The following CYFIP2 variants were observed in gnomAD, a reference collection of about 807,000 sequenced individuals.
CYFIP2 encodes cytoplasmic FMR1 interacting protein 2.
A neutral mutation model predicts 158.7 loss-of-function variants in CYFIP2; 29 were observed. That is an observed-to-expected ratio of 0.18 (90% CI 0.14 to 0.25). The LOEUF is 0.25. Ranked by LOEUF, CYFIP2 falls within the 10% of genes least tolerant of loss-of-function variation. The probability of loss-of-function intolerance (pLI) is 1.00; values close to 1 mark genes in which losing one functional copy is unlikely to be tolerated. For missense variants in CYFIP2, 852 were observed against 1,639.5 expected, an observed-to-expected ratio of 0.52 and a Z score of 8.29; for synonymous variants, 585 against 617.6, an observed-to-expected ratio of 0.95 and a Z score of 0.78.
intron 19 of CYFIP2, among the ~76,000 whole-genome samples, chr5:157,330,276 GTGTGTGTGTT>G (rs1761350594): frequency 2.1e-5 from 3 of 139,724 alleles, no homozygotes; most frequent in East Asian, 2.2e-4. Context: ...GTGTGTGTGT[GTGTGTGTGTT>G]TGTGTTTAAA....
At chr5:157,270,894 C>G (rs1756036628) in intron 1 of CYFIP2, among the ~76,000 whole-genome samples, 1 of 152,130 alleles carries the variant, frequency 6.6e-6, no homozygotes. Context: ...GCAAGTAATT[C>G]CTGGTGTGTG....
chr5:157,383,413 A>G (rs1332715137), intron 28 of CYFIP2, 54 bp downstream of exon 28: 1 of 1,510,644 alleles, frequency 6.6e-7, no homozygotes, highest in Non-Finnish European at 9.1e-7. Context: ...ACTTGAGAGC[A>G]TTTGACCAAA....
chr5:157,357,311 T>TA (rs1449133692), intron 23 of CYFIP2, among the ~76,000 whole-genome samples: 11 of 152,248 alleles, frequency 7.2e-5, no homozygotes, highest in Non-Finnish European at 1.0e-4. Context: ...ATTCAAAACT[T>TA]AGACTGAACT....
chr5:157,297,558 C>T (rs1758356912), intron 5 of CYFIP2, among the ~76,000 whole-genome samples: 1 of 152,142 alleles, frequency 6.6e-6, no homozygotes, highest in Admixed American at 6.5e-5. Context: ...ATGGACCTGC[C>T]TTCGGGAGCC....
chr5:157,320,605 C>T (rs762998370), intron 14 of CYFIP2, 50 bp from the exon 15 acceptor site: 27 of 1,610,830 alleles, frequency 1.7e-5, no homozygotes, highest in Non-Finnish European at 2.2e-5. Context: ...CTTGTAGTGA[C>T]GTTTTCCCAT....
At chr5:157,318,710 C>T (rs950766488) in intron 13 of CYFIP2, among the ~76,000 whole-genome samples, 1 of 152,194 alleles carries the variant, frequency 6.6e-6, no homozygotes, top group African/African-American at 2.4e-5. Context: ...GGCAGTTGGG[C>T]GTGCACAGCA....
chr5:157,361,624 G>A lies in CYFIP2; in HGVS notation c.3039+26G>A, dbSNP rs1423194113. On this transcript the variant is annotated intron_variant, in intron 26 of 30. Transcript: ENST00000620254. The surrounding 1 kb of genome is among the most constrained non-coding windows in gnomAD (Gnocchi z 4.4). Reference sequence around the variant, plus strand: ...GTAAGTCCAGAGCCCAAAGGAAGTGGGGTGTCTCCAGGTTGGAGGGGATGC... The same window carrying A: ...GTAAGTCCAGAGCCCAAAGGAAGTGAGGTGTCTCCAGGTTGGAGGGGATGC... 2 of 1,613,352 alleles carry A rather than the reference G, an allele frequency of 1.2e-6. No individual in the cohort carries two copies. Among genetic ancestry groups the A allele is most frequent in the Non-Finnish European group, 1.7e-6 (2 of 1,179,670 alleles).
intron 1 of CYFIP2, among the ~76,000 whole-genome samples, chr5:157,269,157 AC>A (rs1181438220): frequency 6.6e-6 from 1 of 151,946 alleles, no homozygotes; most frequent in African/African-American, 2.4e-5. Context: ...TGACCAGTAA[AC>A]CCAGCCCCAA....
At chr5:157,278,220 G>T (rs1444908585) in intron 1 of CYFIP2, among the ~76,000 whole-genome samples, 1 of 151,904 alleles carries the variant, frequency 6.6e-6, no homozygotes, top group Non-Finnish European at 1.5e-5. Context: ...GTATATGTGT[G>T]TGCAGTATGT....
chr5:157,390,482 C>T (rs762317147), intron 29 of CYFIP2, 39 bp from the exon 30 acceptor site: 51 of 1,530,640 alleles, frequency 3.3e-5, no homozygotes, highest in South Asian at 1.9e-4. Context: ...CCTCCTCCCC[C>T]GACCTCTCAC....
intron 9 of CYFIP2, among the ~76,000 whole-genome samples, chr5:157,308,094 CGTTCCAA>C (rs528989921): frequency 2.3e-3 from 353 of 151,736 alleles, no homozygotes; most frequent in Middle Eastern, 7.0e-3. Flanking sequence ...AGCCACACAT[CGTTCCAA>C]GTTGCAGGAT....
chr5:157,372,407 G>T (rs1306926316), intron 26 of CYFIP2, among the ~76,000 whole-genome samples: 1 of 152,122 alleles, frequency 6.6e-6, no homozygotes, highest in African/African-American at 2.4e-5. Context: ...AGGTTATAAG[G>T]ATATTCATTA....
chr5:157,271,118 T>C (rs1418539698), intron 1 of CYFIP2, among the ~76,000 whole-genome samples: 2 of 152,192 alleles, frequency 1.3e-5, no homozygotes, highest in Admixed American at 6.5e-5. Context: ...TGTCTTCGTG[T>C]GGGCCATGAT....
intron 9 of CYFIP2, among the ~76,000 whole-genome samples, chr5:157,308,145 A>C (rs1274962053): frequency 6.8e-6 from 1 of 147,056 alleles, no homozygotes; most frequent in African/African-American, 2.5e-5. Flanking sequence ...AGGCCCTGTG[A>C]TTCTTTTCTG....
intron 26 of CYFIP2, among the ~76,000 whole-genome samples, chr5:157,370,976 C>T (rs566135429): frequency 1.2e-3 from 179 of 152,252 alleles, no homozygotes; most frequent in African/African-American, 4.2e-3. Flanking sequence ...ATAGATTTAG[C>T]AAGGGCTATG....
chr5:157,370,485 G>A (rs1008401957), intron 26 of CYFIP2, among the ~76,000 whole-genome samples: 1 of 152,212 alleles, frequency 6.6e-6, no homozygotes, highest in African/African-American at 2.4e-5. Context: ...AATTCCAGCT[G>A]CTGCCTGCCC....
At chr5:157,272,930 G>A (rs1245798240) in intron 1 of CYFIP2, among the ~76,000 whole-genome samples, 1 of 152,136 alleles carries the variant, frequency 6.6e-6, no homozygotes, top group Non-Finnish European at 1.5e-5. Flanking sequence ...GCAGTGGCGT[G>A]ATCTCAGCTC....
chr5:157,331,544 G>A (rs900100692), intron 20 of CYFIP2, among the ~76,000 whole-genome samples: 2 of 151,900 alleles, frequency 1.3e-5, no homozygotes, highest in African/African-American at 4.8e-5. Context: ...TGCCAGAGGT[G>A]AAAAGGAAAG....
chr5:157,390,577 G>A lies in CYFIP2; in HGVS notation c.3503G>A (p.Gly1168Asp). 6.4e-7 allele frequency: 1 copy of A among 1,556,672 alleles called. No individual in the cohort carries two copies. Among genetic ancestry groups the A allele is most frequent in the Non-Finnish European group, 8.7e-7 (1 of 1,149,616 alleles). Residue 1168 changes from glycine to aspartate, a missense_variant, in exon 30 of 31, where the codon GGC (glycine) becomes GAC (aspartate). Gly to Asp is a moderately conservative substitution (Grantham distance 94). Transcript: ENST00000620254. ...WAGCSIIVLL[G>D]QQRRFDLFDF... Reference sequence around the variant, plus strand: ...GGTTGCTCCATCATTGTCCTGCTGGGCCAGCAGCGTCGCTTTGACCTGTTC... The same window carrying A: ...GGTTGCTCCATCATTGTCCTGCTGGACCAGCAGCGTCGCTTTGACCTGTTC...
Sources: allele counts gnomAD v4.1 joint callset (sites outside exome capture counted in the v4.1 genomes callset), GRCh38; gene constraint gnomAD v4.1.1; non-coding constraint Gnocchi (gnomAD v3.1); transcripts MANE v1.5; gene names NCBI Gene and HGNC (gene_info 2026-07-23, HGNC 2026-07-21).